Variants in CYP4B1 observed in about 807,000 individuals in gnomAD.
CYP4B1 encodes the protein cytochrome P450 family 4 subfamily B member 1.
In CYP4B1, 45 loss-of-function variants were observed where a neutral mutation model predicts 54.0. That is an observed-to-expected ratio of 0.83 (90% CI 0.66 to 1.07). The LOEUF is 1.07. Ranked by LOEUF, CYP4B1 falls within the 50% of genes least tolerant of loss-of-function variation. The pLI, the probability that CYP4B1 is intolerant of heterozygous loss-of-function variation, is 0.00. For missense variants in CYP4B1, 656 were observed against 655.4 expected, an observed-to-expected ratio of 1.00 and a Z score of -0.01; for synonymous variants, 248 against 247.5, an observed-to-expected ratio of 1.00 and a Z score of -0.02.
intron 9 of CYP4B1, among the ~76,000 whole-genome samples, 182 bp from the exon 10 acceptor site, chr1:46,817,783 G>T (rs1679395030): frequency 6.6e-6 from 1 of 152,192 alleles, no homozygotes; most frequent in Non-Finnish European, 1.5e-5. Context: ...TACAGGAACT[G>T]GGCATCATGA....
Position 46,810,909 on chromosome 1 carries a change from C to T in CYP4B1, c.282C>T (p.Ile94=), listed in dbSNP as rs760391086. 6.2e-7 allele frequency: 1 copy of T among 1,614,102 alleles called. No homozygotes were observed. The highest frequency in any genetic ancestry group is 8.5e-7 in the Non-Finnish European group (1 of 1,180,022). ...GACAGTTCATTGGCTTCCTGAACAT[C>T]TATGAGCCTGACTATGCCAAAGCTG... ...WFGQFIGFLN[I]YEPDYAKAVY... is the part of the protein sequence containing the mutation. Residue 94 remains isoleucine (I), a synonymous_variant, in exon 2 of 12, where the codon ATC becomes ATT. Coordinates refer to ENST00000371923, the MANE Select transcript of CYP4B1 (RefSeq NM_001099772.2).
Position 46,813,893 on chromosome 1 carries a change from C to G in CYP4B1, c.621-16C>G. On this transcript the variant is annotated splice_polypyrimidine_tract_variant and intron_variant, in intron 5 of 11. Coordinates refer to ENST00000371923, the MANE Select transcript of CYP4B1 (RefSeq NM_001099772.2). ...GCCAGTGTCTAAGCCAATCCCTCCTCCTACCCTCTGCTTAGCAGGGACAGC... is the reference window on the plus strand; with the variant it reads ...GCCAGTGTCTAAGCCAATCCCTCCTGCTACCCTCTGCTTAGCAGGGACAGC... 6.3e-7 allele frequency: 1 copy of G among 1,599,360 alleles called. No homozygotes were observed. The highest frequency in any genetic ancestry group is 8.5e-7 in the Non-Finnish European group (1 of 1,171,270).
intron 1 of CYP4B1, among the ~76,000 whole-genome samples, chr1:46,803,047 A>C (rs1392207207): frequency 1.3e-5 from 2 of 152,166 alleles, no homozygotes; most frequent in Admixed American, 6.5e-5. Context: ...GGGAGGACAG[A>C]ATGGAGAGGA....
In CYP4B1 at chr1:46,814,194, G is replaced by A. The variant is rs769677293; in HGVS notation, c.776-15G>A. ...ATGGCTTCCCAGGCAGTGACACTCT[G>A]TGCTTTTGGTTCAGACCAGGTCATC... is the stretch of plus-strand genomic sequence containing the variant. On this transcript the variant is annotated splice_polypyrimidine_tract_variant and intron_variant, in intron 6 of 11. Transcript: ENST00000371923. The A allele has an allele frequency of 5.0e-6, 8 of 1,613,598 alleles. No individual in the cohort carries two copies. In the African/African-American group the frequency reaches 6.7e-5, roughly 13 times the overall value.
At chr1:46,811,675 T>C (rs1438552695) in intron 3 of CYP4B1, among the ~76,000 whole-genome samples, 3 of 152,034 alleles carry the variant, frequency 2.0e-5, no homozygotes, top group Admixed American at 6.5e-5. Flanking sequence ...ATGTTGAGAG[T>C]AGGTGGGAGT....
At position 46,811,163 on chromosome 1, in the gene CYP4B1, G is replaced by C. The variant is rs1679085269; in HGVS notation, c.346G>C (p.Asp116His). The C allele has an allele frequency of 6.2e-7, 1 of 1,614,024 alleles. No individual in the cohort carries two copies. Among genetic ancestry groups the C allele is most frequent in the South Asian group, 1.1e-5 (1 of 91,072 alleles). Residue 116 changes from aspartate (D) to histidine (H), a missense_variant, in exon 3 of 12, where the codon GAC becomes CAC. Transcript: ENST00000371923. Reference sequence around the variant, plus strand: ...AGACCCTAAGGCCCCTGATGTGTATGACTTCTTCCTCCAGTGGATTGGTGA... The same window carrying C: ...AGACCCTAAGGCCCCTGATGTGTATCACTTCTTCCTCCAGTGGATTGGTGA... ...RGDPKAPDVYDFFLQWIGRGL... is the reference protein window; with the variant it reads ...RGDPKAPDVYHFFLQWIGRGL...
rs772411985 is a variant in CYP4B1 at position 46,817,168 on chromosome 1, G to C, written c.1194G>C (p.Arg398=). 4 of 1,614,188 alleles carry C rather than the reference G, an allele frequency of 2.5e-6. No homozygotes were observed. Among genetic ancestry groups the C allele is most frequent in the African/African-American group, 1.3e-5 (1 of 75,062 alleles). The part of the protein sequence containing the change: ...LSKPVTFVDG[R]SLPAGSLISM... ...AGCCTGTCACCTTTGTGGATGGCCG[G>C]TCTCTACCTGCAGGTGGGATGGGTG... is the stretch of plus-strand genomic sequence containing the variant. Residue 398 remains arginine (R), a synonymous_variant, in exon 9 of 12, where the codon CGG becomes CGC. Coordinates refer to ENST00000371923, the MANE Select transcript of CYP4B1 (RefSeq NM_001099772.2).
rs1679207069 is a variant in CYP4B1 at position 46,813,673 on chromosome 1, G to C, written c.620+67G>C. ...CATCTTAGAGGGGAGAGTTGGCAGG[G>C]GTCCTGGGCTCTGATCTGAGAAGAG... On this transcript the variant is annotated intron_variant, in intron 5 of 11. Coordinates refer to ENST00000371923, the MANE Select transcript of CYP4B1 (RefSeq NM_001099772.2). The C allele has an allele frequency of 7.5e-6, 12 of 1,599,850 alleles. No individual in the cohort carries two copies. The Admixed American group carries it at 1.0e-4, about 13-fold the overall frequency.
intron 8 of CYP4B1, among the ~76,000 whole-genome samples, chr1:46,816,101 T>TC (rs3835463): frequency 0.017 from 2,586 of 151,198 alleles, 33 homozygotes; most frequent in South Asian, 0.033. Context: ...TATGTGAGAA[T>TC]CCCCCCCCCA....
intron 1 of CYP4B1, among the ~76,000 whole-genome samples, chr1:46,810,089 T>G (rs1679036473): frequency 6.6e-6 from 1 of 152,134 alleles, no homozygotes; most frequent in Non-Finnish European, 1.5e-5. Context: ...TGCTTTCTGT[T>G]TTCTCACCTG....
In CYP4B1 at chr1:46,818,751, C is replaced by T. The variant is rs1679440278; in HGVS notation, c.1476C>T (p.Val492=). 1 of 1,614,058 alleles carries T rather than the reference C, an allele frequency of 6.2e-7. No homozygotes were observed. The highest frequency in any genetic ancestry group is 1.3e-5 in the African/African-American group (1 of 74,928). ...TGCCCATCAAGATGCCCCAGCTTGT[C>T]CTGCGCTCCAAGAATGGCTTTCACC... ...SRLPIKMPQL[V]LRSKNGFHLH... is the part of the protein sequence containing the mutation. Residue 492 remains valine (V), a synonymous_variant, in exon 12 of 12, where the codon GTC becomes GTT. Coordinates refer to ENST00000371923, the MANE Select transcript of CYP4B1 (RefSeq NM_001099772.2).
At position 46,809,790 on chromosome 1, in the gene CYP4B1, C is replaced by T. The variant is rs1421476635; in HGVS notation, c.181-1018C>T. On this transcript the variant is annotated intron_variant, in intron 1 of 11. Coordinates refer to ENST00000371923, the MANE Select transcript of CYP4B1 (RefSeq NM_001099772.2). ...ATAGTTAAATACATTATGGTACATC[C>T]TTATAGTGAAATACTACACAACTGT... is the stretch of plus-strand genomic sequence containing the variant. Among the ~76,000 whole-genome samples the T allele has an allele frequency of 2.0e-5, 3 of 152,206 alleles. 1 individual carries two copies. The highest frequency in any genetic ancestry group is 7.2e-5 in the African/African-American group (3 of 41,452).
chr1:46,799,081 C>G lies in CYP4B1; in HGVS notation c.-1C>G, dbSNP rs1258337970. ...AAGGCTAGGTGGCTGGAACTGCAAC[C>G]ATGGTGCCCAGCTTCCTCTCCCTGA... is the stretch of plus-strand genomic sequence containing the variant. On this transcript the variant is annotated 5_prime_UTR_variant, in exon 1 of 12. Coordinates refer to ENST00000371923, the MANE Select transcript of CYP4B1 (RefSeq NM_001099772.2). 6.2e-7 allele frequency: 1 copy of G among 1,613,768 alleles called. No individual in the cohort carries two copies. The highest frequency in any genetic ancestry group is 1.3e-5 in the African/African-American group (1 of 74,924).
chr1:46,810,911 A>G lies in CYP4B1; in HGVS notation c.284A>G (p.Tyr95Cys). The change falls in exon 2 of 12, where the codon TAT (tyrosine) becomes TGT (cysteine). Residue 95 changes from tyrosine to cysteine, a missense_variant. Transcript: ENST00000371923. ...FGQFIGFLNI[Y>C]EPDYAKAVYS... is the part of the protein sequence containing the mutation. ...CAGTTCATTGGCTTCCTGAACATCT[A>G]TGAGCCTGACTATGCCAAAGCTGTG... 6.2e-7 allele frequency: 1 copy of G among 1,614,136 alleles called. No homozygotes were observed. Among genetic ancestry groups the G allele is most frequent in the Middle Eastern group, 1.6e-4 (1 of 6,062 alleles).
In CYP4B1 at chr1:46,818,019, C is replaced by T. The variant is rs1679405532; in HGVS notation, c.1262C>T (p.Pro421Leu). 2 of 1,614,144 alleles carry T rather than the reference C, an allele frequency of 1.2e-6. No homozygotes were observed. The highest frequency in any genetic ancestry group is 1.7e-6 in the Non-Finnish European group (2 of 1,179,990). The change falls in exon 10 of 12, where the codon CCC (proline) becomes CTC (leucine). Residue 421 changes from proline to leucine, a missense_variant. Coordinates refer to ENST00000371923, the MANE Select transcript of CYP4B1 (RefSeq NM_001099772.2). The stretch of plus-strand genomic sequence containing the variant: ...CTCCATAGGAACAGTGCTGTATGGC[C>T]CGACCCTGAGGTACCCTTTCCCTGG... ...YALHRNSAVW[P>L]DPEVFDSLRF...
intron 1 of CYP4B1, among the ~76,000 whole-genome samples, chr1:46,800,213 T>C (rs369172864): frequency 0.13 from 3,248 of 24,634 alleles, 810 homozygotes; most frequent in Non-Finnish European, 0.28. Flanking sequence ...CTTTCTTTCT[T>C]TCTCTTTCTC....
chr1:46,804,077 G>A (rs1466798279), intron 1 of CYP4B1, among the ~76,000 whole-genome samples: 2 of 152,164 alleles, frequency 1.3e-5, no homozygotes, highest in Non-Finnish European at 2.9e-5. Context: ...GTAGGTAGAT[G>A]GCACAGGAAA....
rs9727928 is a variant in CYP4B1, at chr1:46,800,201, T to C, written c.180+940T>C. ...TTTCTTTCTCTTTCTTTCTTTCTCT[T>C]TCTTTCTTTCTTTCTCTTTCTCTCT... On this transcript the variant is annotated intron_variant, in intron 1 of 11. Coordinates refer to ENST00000371923, the MANE Select transcript of CYP4B1 (RefSeq NM_001099772.2). 6.6e-3 allele frequency among the ~76,000 whole-genome samples: 182 copies of C among 27,694 alleles called. 15 individuals carry two copies. The highest frequency in any genetic ancestry group is 0.037 in the Middle Eastern group (2 of 54). 18.2% of individuals were successfully genotyped at this position (27,694 alleles called of 152,430 possible). A position where few individuals can be genotyped will look rare whatever the true frequency, so the allele number is the denominator to read the frequency against.
At chr1:46,807,085 A>T (rs1247038509) in intron 1 of CYP4B1, among the ~76,000 whole-genome samples, 5 of 152,204 alleles carry the variant, frequency 3.3e-5, no homozygotes, top group Non-Finnish European at 5.9e-5. Context: ...TTTATTTAAA[A>T]GTTTGGCCAT....
Sources: gnomAD v4.1 joint callset for allele counts (sites outside exome capture counted in the v4.1 genomes callset) on GRCh38, gnomAD v4.1.1 for gene constraint, MANE v1.5 for transcripts, NCBI Gene and HGNC (gene_info 2026-07-23, HGNC 2026-07-21) for gene names.